The following CREB5 variants were observed in gnomAD, a reference collection of about 807,000 sequenced individuals.
The protein encoded by CREB5 is cyclic AMP-responsive element-binding protein 5.
A neutral mutation model predicts 57.1 loss-of-function variants in CREB5; 19 were observed. The ratio of observed to expected loss-of-function variants is 0.33; its 90% CI spans 0.23 to 0.49. The LOEUF (loss-of-function observed/expected upper bound fraction) is 0.49, where lower values mean the gene tolerates loss of function less well. Among genes scored for constraint, CREB5 ranks in the 20% least tolerant of loss-of-function variants. The pLI is 0.99. For synonymous variants in CREB5, 238 were observed against 238.3 expected, an observed-to-expected ratio of 1.00 and a Z score of 0.01; for missense variants, 579 against 671.6, an observed-to-expected ratio of 0.86 and a Z score of 1.52.
intron 5 of CREB5, among the ~76,000 whole-genome samples, chr7:28,682,655 TGAG>T (rs1800654627): frequency 6.7e-6 from 1 of 148,196 alleles, no homozygotes; most frequent in African/African-American, 2.5e-5. Context: ...TACTTTTCCT[TGAG>T]GAGAATAAAT....
Position 28,756,768 on chromosome 7 carries a change from G to A in CREB5, c.702+32436G>A, listed in dbSNP as rs188730966. The stretch of plus-strand genomic sequence containing the variant: ...GGTTATTAGTGTCAGCCACAATGGT[G>A]TACTCTGAACTGGGCACATGCTTTA... On this transcript the variant is annotated intron_variant, in intron 7 of 10. Coordinates refer to ENST00000357727, the MANE Select transcript of CREB5 (RefSeq NM_182898.4). 3.9e-5 allele frequency among the ~76,000 whole-genome samples: 6 copies of A among 152,236 alleles called. No homozygotes were observed. In the East Asian group the frequency reaches 1.2e-3, roughly 29 times the overall value.
intron 1 of CREB5, among the ~76,000 whole-genome samples, chr7:28,315,391 G>T (rs1464332668): frequency 6.6e-6 from 1 of 152,214 alleles, no homozygotes; most frequent in African/African-American, 2.4e-5. Context: ...GTTGTCCGAA[G>T]CTGAGGTTGC....
chr7:28,792,338 C>T (rs901790082), intron 7 of CREB5, among the ~76,000 whole-genome samples: 1 of 145,778 alleles, frequency 6.9e-6, no homozygotes, highest in African/African-American at 2.5e-5. Flanking sequence ...TGTCATATCA[C>T]ATGGAAAAAA....
At chr7:28,360,199 G>A (rs11762565) in intron 1 of CREB5, among the ~76,000 whole-genome samples, 100,970 of 151,996 alleles carry the variant, frequency 0.66, 34,317 homozygotes, top group South Asian at 0.76. Flanking sequence ...TTACCACATG[G>A]TCCACAATCT....
intron 5 of CREB5, among the ~76,000 whole-genome samples, chr7:28,641,436 G>A (rs1343173948): frequency 6.6e-6 from 1 of 152,158 alleles, no homozygotes; most frequent in East Asian, 1.9e-4. Context: ...GGACCCCCAA[G>A]GAATTTAGTG....
At chr7:28,663,055 G>C (rs1038653785) in intron 5 of CREB5, among the ~76,000 whole-genome samples, 1 of 151,600 alleles carries the variant, frequency 6.6e-6, no homozygotes, top group African/African-American at 2.4e-5. Context: ...TGAGGTAGGA[G>C]AATCGCTTGA....
intron 5 of CREB5, among the ~76,000 whole-genome samples, chr7:28,613,822 C>T (rs1008875417): frequency 2.6e-5 from 4 of 152,160 alleles, no homozygotes; most frequent in African/African-American, 7.2e-5. Flanking sequence ...AGTCAGAGTT[C>T]AAAGTGCAAG....
At chr7:28,477,766 A>AGAAAGATAT (rs1445256767) in intron 1 of CREB5, among the ~76,000 whole-genome samples, 1 of 152,150 alleles carries the variant, frequency 6.6e-6, no homozygotes, top group Non-Finnish European at 1.5e-5. Flanking sequence ...TAGGAAGTTG[A>AGAAAGATAT]GAAAGATATG....
chr7:28,299,486 G>A (rs1785063637), intron 1 of CREB5: 1 of 152,140 alleles, frequency 6.6e-6, no homozygotes, highest in Admixed American at 6.5e-5. Context: ...AATTAATTAA[G>A]ATTGAATAAA....
At chr7:28,602,782 T>C (rs1442294300) in intron 5 of CREB5, among the ~76,000 whole-genome samples, 1 of 152,196 alleles carries the variant, frequency 6.6e-6, no homozygotes, top group Non-Finnish European at 1.5e-5. Flanking sequence ...TTTTGTGTCT[T>C]GATTTGGTCA....
At chr7:28,502,217 G>A (rs757487371) in intron 3 of CREB5, among the ~76,000 whole-genome samples, 1 of 152,046 alleles carries the variant, frequency 6.6e-6, no homozygotes, top group Non-Finnish European at 1.5e-5. Context: ...AAAATTCCAT[G>A]GAATTCTGTG....
At chr7:28,331,163 C>T (rs1785709157) in intron 1 of CREB5, among the ~76,000 whole-genome samples, 1 of 152,032 alleles carries the variant, frequency 6.6e-6, no homozygotes, top group Non-Finnish European at 1.5e-5. Context: ...TGAGGGAGTT[C>T]TAGTTCAGTA....
At chr7:28,523,254 G>C (rs564157279) in intron 4 of CREB5, among the ~76,000 whole-genome samples, 1 of 152,240 alleles carries the variant, frequency 6.6e-6, no homozygotes, top group South Asian at 2.1e-4. Flanking sequence ...TATATAAGCC[G>C]TGCTATGTAT....
chr7:28,465,865 G>A (rs1790542701), intron 1 of CREB5, among the ~76,000 whole-genome samples: 1 of 152,118 alleles, frequency 6.6e-6, no homozygotes, highest in Admixed American at 6.5e-5. Flanking sequence ...CATACAGTGT[G>A]GCTTTGAAGT....
chr7:28,515,682 T>A (rs1431097364), intron 4 of CREB5, among the ~76,000 whole-genome samples: 1 of 152,164 alleles, frequency 6.6e-6, no homozygotes, highest in Non-Finnish European at 1.5e-5. Flanking sequence ...ATCAAATTTC[T>A]TTAGACACAG....
intron 4 of CREB5, among the ~76,000 whole-genome samples, chr7:28,561,007 TG>T (rs1795240833): frequency 2.3e-5 from 1 of 44,068 alleles, no homozygotes; most frequent in Non-Finnish European, 4.2e-5. Context: ...TGCGTGTGCG[TG>T]TGTGTGTGCG....
intron 1 of CREB5, among the ~76,000 whole-genome samples, chr7:28,307,865 G>A (rs1785216091): frequency 6.6e-6 from 1 of 152,244 alleles, no homozygotes; most frequent in African/African-American, 2.4e-5. Context: ...TGATTGATGT[G>A]AAGAAGAGCA....
chr7:28,491,267 A>C, intron 2 of CREB5: 2 of 985,330 alleles, frequency 2.0e-6, no homozygotes, highest in Non-Finnish European at 2.4e-6. Context: ...AGAAGGGGTG[A>C]GCATGCTGGT....
intron 5 of CREB5, among the ~76,000 whole-genome samples, chr7:28,703,409 A>G (rs1801960814): frequency 1.3e-5 from 2 of 152,218 alleles, no homozygotes; most frequent in Admixed American, 1.3e-4. Context: ...GAGGGGAAAG[A>G]TCTAAAGACG....
Sources: allele counts gnomAD v4.1 joint callset (sites outside exome capture counted in the v4.1 genomes callset), GRCh38; gene constraint gnomAD v4.1.1; transcripts MANE v1.5; gene names NCBI Gene and HGNC (gene_info 2026-07-23, HGNC 2026-07-21).